The following CLASP2 variants were observed in gnomAD, a reference collection of about 807,000 sequenced individuals.
CLASP2 encodes the protein CLIP-associating protein 2.
In CLASP2, 47 loss-of-function variants were observed where a neutral mutation model predicts 194.4. The ratio of observed to expected loss-of-function variants is 0.24; its 90% CI spans 0.19 to 0.31. The LOEUF (loss-of-function observed/expected upper bound fraction) is 0.31. CLASP2 is among the 10% of genes least tolerant of loss of function. CLASP2 has a pLI of 1.00. For missense variants in CLASP2, 1,445 were observed against 1,823.6 expected, an observed-to-expected ratio of 0.79 and a Z score of 3.78; for synonymous variants, 619 against 633.5, an observed-to-expected ratio of 0.98 and a Z score of 0.34.
At chr3:33,508,153 C>T (rs2048793924) in intron 37 of CLASP2, among the ~76,000 whole-genome samples, 1 of 151,870 alleles carries the variant, frequency 6.6e-6, no homozygotes, top group South Asian at 2.1e-4. Context: ...CCACTGTGAG[C>T]CACCAACCCA....
intron 34 of CLASP2, among the ~76,000 whole-genome samples, chr3:33,518,467 T>C (rs1237546263): frequency 6.6e-6 from 1 of 152,234 alleles, no homozygotes; most frequent in Non-Finnish European, 1.5e-5. Flanking sequence ...GCTTGGGCCA[T>C]AGACTAATTT....
At chr3:33,520,213 C>A (rs955737425) in intron 34 of CLASP2, among the ~76,000 whole-genome samples, 1 of 152,156 alleles carries the variant, frequency 6.6e-6, no homozygotes, top group Admixed American at 6.5e-5. Flanking sequence ...ATCATATTGG[C>A]CAGGCTAGTC....
In CLASP2 at chr3:33,498,722, A is replaced by G; in HGVS notation, c.4435-5T>C. 1 of 1,605,512 alleles carries G rather than the reference A, an allele frequency of 6.2e-7. No homozygotes were observed. Among genetic ancestry groups the G allele is most frequent in the Non-Finnish European group, 8.5e-7 (1 of 1,172,582 alleles). ...GTAAAGATTCAGTAGCTTCATCTGC[A>G]GATTCAAGCCAAATAAATGTCATTT... On this transcript the variant is annotated splice_polypyrimidine_tract_variant and splice_region_variant and intron_variant, in intron 38 of 38. Coordinates refer to ENST00000682230, the MANE Select transcript of CLASP2 (RefSeq NM_001365631.1).
At chr3:33,711,032 C>G (rs2092978257) in intron 1 of CLASP2, among the ~76,000 whole-genome samples, 1 of 151,948 alleles carries the variant, frequency 6.6e-6, no homozygotes, top group Non-Finnish European at 1.5e-5. Context: ...CTAGTAGGAC[C>G]AAGGGGAGAG....
intron 26 of CLASP2, 167 bp downstream of exon 26, chr3:33,570,560 A>G (rs1175107052): frequency 1.2e-6 from 1 of 800,574 alleles, no homozygotes; most frequent in Non-Finnish European, 2.0e-6. Flanking sequence ...AATAGTTACC[A>G]GAGATTAATT....
intron 27 of CLASP2, among the ~76,000 whole-genome samples, chr3:33,563,666 A>G (rs2062163848): frequency 6.6e-6 from 1 of 152,214 alleles, no homozygotes; most frequent in Non-Finnish European, 1.5e-5. Context: ...GTGTGTCAAT[A>G]TAACTTTATT....
chr3:33,523,605 A>G (rs544766664), intron 34 of CLASP2, among the ~76,000 whole-genome samples: 1 of 152,360 alleles, frequency 6.6e-6, no homozygotes, highest in South Asian at 2.1e-4. Context: ...AAAGTACTCT[A>G]GACAGTAACT....
At chr3:33,568,577 T>TAC (rs1369967528) in intron 26 of CLASP2, among the ~76,000 whole-genome samples, 4 of 96,896 alleles carry the variant, frequency 4.1e-5, no homozygotes, top group South Asian at 3.2e-4. Flanking sequence ...AAAAAAAAAT[T>TAC]ACACACACAC....
intron 18 of CLASP2, among the ~76,000 whole-genome samples, chr3:33,600,881 T>C (rs546618186): frequency 2.4e-4 from 36 of 152,100 alleles, no homozygotes; most frequent in African/African-American, 7.7e-4. Flanking sequence ...TAAAAATGCT[T>C]CATGGAATTC....
chr3:33,596,427 C>T (rs968712298), intron 19 of CLASP2, among the ~76,000 whole-genome samples: 1 of 151,910 alleles, frequency 6.6e-6, no homozygotes, highest in African/African-American at 2.4e-5. Flanking sequence ...CTTAACGAAT[C>T]GAGAATATTC....
rs2072794822 is a variant in CLASP2, at chr3:33,603,272, A to C, written c.1751-147T>G. 6.4e-6 allele frequency: 5 copies of C among 777,922 alleles called. No individual in the cohort carries two copies. In the South Asian group the frequency reaches 9.5e-5, roughly 15 times the overall value. The allele number at this position is 777,922 out of a possible 1,614,324, so 48.2% of individuals were successfully genotyped here. A position where few individuals can be genotyped will look rare whatever the true frequency, so the allele number is the denominator to read the frequency against. ...AATGGACAGTACTATTAAGCATTTTAAAGTCAGAATGCCTCAGTTTCAATC... is the reference window on the plus strand; with the variant it reads ...AATGGACAGTACTATTAAGCATTTTCAAGTCAGAATGCCTCAGTTTCAATC... On this transcript the variant is annotated intron_variant, in intron 17 of 38. Transcript: ENST00000682230.
intron 7 of CLASP2, among the ~76,000 whole-genome samples, chr3:33,647,477 C>G (rs1220234606): frequency 1.3e-5 from 2 of 152,180 alleles, no homozygotes; most frequent in Admixed American, 1.3e-4. Flanking sequence ...AAGAATCACT[C>G]CCCTAGGGGA....
chr3:33,539,040 G>A, intron 32 of CLASP2, 98 bp from the exon 33 acceptor site: 1 of 862,362 alleles, frequency 1.2e-6, no homozygotes, highest in Non-Finnish European at 1.6e-6. Flanking sequence ...GACAGGATTA[G>A]AGAATGTATA....
chr3:33,503,442 T>C (rs73053650), intron 37 of CLASP2: 10,362 of 151,624 alleles, frequency 0.068, 431 homozygotes, highest in Middle Eastern at 0.12. Flanking sequence ...TTTTTTTTTT[T>C]CCTTGAGATG....
intron 20 of CLASP2, chr3:33,592,726 A>G: frequency 1.8e-6 from 1 of 566,664 alleles, no homozygotes; most frequent in Non-Finnish European, 3.2e-6. Context: ...TAAAAGATTT[A>G]CATTCTTAGT....
intron 38 of CLASP2, 88 bp downstream of exon 38, chr3:33,501,564 A>G (rs2046858900): frequency 1.3e-6 from 1 of 773,752 alleles, no homozygotes; most frequent in Non-Finnish European, 2.2e-6. Flanking sequence ...TTAAATGCCA[A>G]ATAAAAAGCT....
chr3:33,666,624 T>G (rs545692663), intron 6 of CLASP2, among the ~76,000 whole-genome samples: 140 of 152,332 alleles, frequency 9.2e-4, no homozygotes, highest in African/African-American at 3.3e-3. Context: ...TATGTAGATG[T>G]GGGGTGTCTC....
chr3:33,570,853 C>CT, intron 25 of CLASP2, 63 bp from the exon 26 acceptor site: 3 of 1,117,466 alleles, frequency 2.7e-6, no homozygotes, highest in Non-Finnish European at 3.7e-6. Flanking sequence ...GTAAAAGTAA[C>CT]TTTACATATA....
At chr3:33,597,515 G>C (rs1427220316) in intron 18 of CLASP2, among the ~76,000 whole-genome samples, 1 of 152,102 alleles carries the variant, frequency 6.6e-6, no homozygotes, top group Non-Finnish European at 1.5e-5. Context: ...GCTACAGTTT[G>C]CCTAAGCTGT....
Sources: allele counts gnomAD v4.1 joint callset (sites outside exome capture counted in the v4.1 genomes callset), GRCh38; gene constraint gnomAD v4.1.1; transcripts MANE v1.5; gene names NCBI Gene and HGNC (gene_info 2026-07-23, HGNC 2026-07-21).